The following DIP2C variants were observed in gnomAD, a reference collection of about 807,000 sequenced individuals.
The protein encoded by DIP2C is disco-interacting protein 2 homolog C.
In DIP2C, 33 loss-of-function variants were observed where a neutral mutation model predicts 192.4. That is an observed-to-expected ratio of 0.17 (90% CI 0.13 to 0.23). The LOEUF (loss-of-function observed/expected upper bound fraction) is 0.23, where lower values mean the gene tolerates loss of function less well. Ranked by LOEUF, DIP2C falls within the 10% of genes least tolerant of loss-of-function variation. The pLI is 1.00. For synonymous variants in DIP2C, 979 were observed against 864.1 expected, an observed-to-expected ratio of 1.13 and a Z score of -2.33; for missense variants, 1,537 against 2,110.1, an observed-to-expected ratio of 0.73 and a Z score of 5.32.
chr10:551,884 G>T (rs1057211832), intron 1 of DIP2C, among the ~76,000 whole-genome samples: 2 of 152,166 alleles, frequency 1.3e-5, no homozygotes, highest in Non-Finnish European at 2.9e-5. Flanking sequence ...GGCCCATTTC[G>T]TTCAGATGCT....
At chr10:588,081 C>G (rs816612) in intron 1 of DIP2C, among the ~76,000 whole-genome samples, 6 of 12,168 alleles carry the variant, frequency 4.9e-4, no homozygotes, top group African/African-American at 3.4e-3. Flanking sequence ...CCTCAGCCCT[C>G]ACCCTCCTGA....
intron 34 of DIP2C, among the ~76,000 whole-genome samples, chr10:283,656 C>CA (rs967028136): frequency 1.3e-5 from 2 of 152,136 alleles, no homozygotes; most frequent in African/African-American, 4.8e-5. Flanking sequence ...AGTTTGTGGC[C>CA]AAGCAACCAG....
At chr10:368,565 C>T (rs377626620) in intron 18 of DIP2C, among the ~76,000 whole-genome samples, 6 of 152,278 alleles carry the variant, frequency 3.9e-5, no homozygotes, top group Middle Eastern at 3.4e-3. Context: ...GCCAAACAGG[C>T]CGAACAGAAA....
rs2132841323 is a variant in DIP2C at position 376,927 on chromosome 10, AAC to A, written c.1991+5718_1991+5719del. On this transcript the variant is annotated intron_variant, in intron 17 of 36. Transcript: ENST00000280886. ...GTTTAGCGTGACACAGACTTTCAAAAACACAACAGATAAGTGAGATTGCGATT... is the reference window on the plus strand; with the variant it reads ...GTTTAGCGTGACACAGACTTTCAAAAACAACAGATAAGTGAGATTGCGATT... Among the ~76,000 whole-genome samples the A allele has an allele frequency of 1.3e-5, 2 of 152,338 alleles. 1 individual carries two copies. Among genetic ancestry groups the A allele is most frequent in the South Asian group, 4.1e-4 (2 of 4,822 alleles).
chr10:602,369 AACACC>A (rs1465673250), intron 1 of DIP2C, among the ~76,000 whole-genome samples: 2 of 152,188 alleles, frequency 1.3e-5, no homozygotes, highest in African/African-American at 4.8e-5. Context: ...TCGCAGCCCT[AACACC>A]ACAGCAGAGC....
chr10:442,507 A>G (rs1234656972), intron 3 of DIP2C, among the ~76,000 whole-genome samples: 1 of 152,052 alleles, frequency 6.6e-6, no homozygotes, highest in Non-Finnish European at 1.5e-5. Flanking sequence ...CCCACAAATC[A>G]CTTTTTGTTT....
chr10:548,530 G>A (rs999453560), intron 1 of DIP2C, among the ~76,000 whole-genome samples: 4 of 150,868 alleles, frequency 2.7e-5, no homozygotes, highest in Non-Finnish European at 5.9e-5. Flanking sequence ...AGGCAGGCAG[G>A]CAGGCAGGCA....
At chr10:472,392 G>T in intron 3 of DIP2C, 47 bp downstream of exon 3, 3 of 1,559,474 alleles carry the variant, frequency 1.9e-6, no homozygotes, top group Non-Finnish European at 1.8e-6. Context: ...CACCGTCCTG[G>T]CACAGGTGGC....
chr10:406,963 C>G (rs977187785), intron 9 of DIP2C, among the ~76,000 whole-genome samples: 5 of 152,178 alleles, frequency 3.3e-5, no homozygotes, highest in African/African-American at 1.2e-4. Flanking sequence ...CAGTTCGACC[C>G]CCTACGATCC....
At chr10:350,443 C>CTT (rs1165895196) in intron 24 of DIP2C, among the ~76,000 whole-genome samples, 3 of 152,116 alleles carry the variant, frequency 2.0e-5, no homozygotes, top group Admixed American at 2.0e-4. Context: ...GTCCTAGTTC[C>CTT]TTTGCAGCAC....
chr10:422,751 T>C, intron 5 of DIP2C, 73 bp downstream of exon 5: 1 of 1,515,774 alleles, frequency 6.6e-7, no homozygotes, highest in African/African-American at 1.4e-5. Context: ...GCTGCAACGA[T>C]GCAAACAGAG....
intron 1 of DIP2C, among the ~76,000 whole-genome samples, chr10:595,241 C>T (rs1366312617): frequency 1.3e-5 from 2 of 152,224 alleles, no homozygotes; most frequent in African/African-American, 4.8e-5. Flanking sequence ...GGTTTACTCA[C>T]CTGTGACTCG....
chr10:348,861 G>C (rs1958650251), intron 25 of DIP2C, 99 bp from the exon 26 acceptor site: 1 of 1,531,580 alleles, frequency 6.5e-7, no homozygotes, highest in African/African-American at 1.4e-5. Context: ...AGTTCAACAG[G>C]GAAACGAGCA....
intron 1 of DIP2C, among the ~76,000 whole-genome samples, chr10:603,198 T>C (rs967205331): frequency 6.8e-6 from 1 of 146,754 alleles, no homozygotes; most frequent in African/African-American, 2.5e-5. Context: ...ATTTGGAGGC[T>C]GAGGCAGGAG....
At chr10:293,639 G>A (rs994518124) in intron 32 of DIP2C, among the ~76,000 whole-genome samples, 1 of 152,198 alleles carries the variant, frequency 6.6e-6, no homozygotes, top group African/African-American at 2.4e-5. Context: ...AGAGGATGAG[G>A]CAAGTGTTAC....
intron 1 of DIP2C, among the ~76,000 whole-genome samples, chr10:528,829 C>T (rs137870071): frequency 1.3e-5 from 2 of 152,296 alleles, no homozygotes; most frequent in Admixed American, 6.5e-5. Context: ...TACCATCCTC[C>T]GTGGGGCTGG....
intron 4 of DIP2C, among the ~76,000 whole-genome samples, chr10:436,265 AT>A (rs1402424402): frequency 6.6e-6 from 1 of 152,186 alleles, no homozygotes; most frequent in African/African-American, 2.4e-5. Context: ...AATATTGCAC[AT>A]TGTGGGTAAC....
intron 1 of DIP2C, among the ~76,000 whole-genome samples, chr10:549,262 G>C (rs1848467039): frequency 6.6e-6 from 1 of 151,820 alleles, no homozygotes; most frequent in Non-Finnish European, 1.5e-5. Flanking sequence ...TTCCCCAATT[G>C]CCTCCAACAC....
Position 344,898 on chromosome 10 carries a change from G to A in DIP2C, c.3364C>T (p.Pro1122Ser). ...LDTDDLPKKR[P>S]AQICKPCNPD... ...TTGCAAGGTTTGCAGATCTGGGCAG[G>A]CCGCTTCTTTGGCAAATCATCTGGA... Residue 1122 changes from proline (P) to serine (S), a missense_variant, in exon 28 of 37, where the codon CCT becomes TCT. Physicochemically the swap from Pro to Ser is moderately conservative, Grantham distance 74. Coordinates refer to ENST00000280886, the MANE Select transcript of DIP2C (RefSeq NM_014974.3). 1 of 1,607,084 alleles carries A rather than the reference G, an allele frequency of 6.2e-7. No homozygotes were observed. Among genetic ancestry groups the A allele is most frequent in the Non-Finnish European group, 8.5e-7 (1 of 1,177,736 alleles).
Sources: allele counts gnomAD v4.1 joint callset (sites outside exome capture counted in the v4.1 genomes callset), GRCh38; gene constraint gnomAD v4.1.1; transcripts MANE v1.5; gene names NCBI Gene and HGNC (gene_info 2026-07-23, HGNC 2026-07-21).